Variants in OSBPL1A observed in about 807,000 individuals in gnomAD.
The protein encoded by OSBPL1A is oxysterol-binding protein-related protein 1.
OSBPL1A carries 80 observed loss-of-function variants against 137.1 expected under a neutral mutation model. The ratio of observed to expected loss-of-function variants is 0.58; its 90% confidence interval spans 0.49 to 0.70. The LOEUF is 0.70. Ranked by LOEUF, OSBPL1A falls within the 30% of genes least tolerant of loss-of-function variation. OSBPL1A has a pLI of 0.00. For missense variants in OSBPL1A, 970 were observed against 1,129.4 expected, an observed-to-expected ratio of 0.86 and a Z score of 2.02; for synonymous variants, 365 against 389.7, an observed-to-expected ratio of 0.94 and a Z score of 0.75.
chr18:24,339,877 T>C (rs1343608838), intron 5 of OSBPL1A, among the ~76,000 whole-genome samples: 1 of 152,210 alleles, frequency 6.6e-6, no homozygotes, highest in East Asian at 1.9e-4. Flanking sequence ...AAGTAGACTT[T>C]GTGTTGTTTT....
At chr18:24,369,157 A>G (rs1905412060) in intron 2 of OSBPL1A, among the ~76,000 whole-genome samples, 1 of 152,146 alleles carries the variant, frequency 6.6e-6, no homozygotes, top group Non-Finnish European at 1.5e-5. Context: ...AACTCTACAG[A>G]TAGTGCCTGA....
intron 15 of OSBPL1A, chr18:24,272,095 C>G: frequency 1.0e-6 from 1 of 982,976 alleles, no homozygotes; most frequent in Middle Eastern, 5.2e-4. Flanking sequence ...AGGTAGGGAC[C>G]GCCGGGGAAG....
intron 1 of OSBPL1A, among the ~76,000 whole-genome samples, chr18:24,382,166 C>A (rs998580930): frequency 4.7e-5 from 7 of 149,066 alleles, no homozygotes; most frequent in Non-Finnish European, 8.9e-5. Flanking sequence ...TTTGGGAGGC[C>A]AAGGCAAGTG....
At chr18:24,362,594 A>G (rs2091640995) in intron 4 of OSBPL1A, among the ~76,000 whole-genome samples, 2 of 152,256 alleles carry the variant, frequency 1.3e-5, no homozygotes, top group Non-Finnish European at 2.9e-5. Flanking sequence ...AAATTCACAT[A>G]AAGCTTCCAA....
intron 27 of OSBPL1A, among the ~76,000 whole-genome samples, chr18:24,163,622 G>A (rs977238604): frequency 5.0e-4 from 75 of 149,930 alleles, no homozygotes; most frequent in African/African-American, 1.7e-3. Flanking sequence ...TTTTCCACAA[G>A]GCATTTTTTT....
intron 15 of OSBPL1A, among the ~76,000 whole-genome samples, chr18:24,255,435 G>C (rs772157710): frequency 9.2e-5 from 14 of 152,164 alleles, no homozygotes; most frequent in Admixed American, 6.5e-5. Context: ...CTTAGGGCCA[G>C]CCTGCCTCCC....
intron 17 of OSBPL1A, among the ~76,000 whole-genome samples, chr18:24,199,803 G>A (rs900557021): frequency 6.6e-6 from 1 of 152,146 alleles, no homozygotes; most frequent in Non-Finnish European, 1.5e-5. Flanking sequence ...TTCAGACAGA[G>A]GCTGGAGGAT....
intron 16 of OSBPL1A, among the ~76,000 whole-genome samples, chr18:24,234,314 A>T (rs1380579005): frequency 6.6e-6 from 1 of 152,114 alleles, no homozygotes; most frequent in Non-Finnish European, 1.5e-5. Context: ...ACTTGACATA[A>T]CCATTTCATT....
intron 7 of OSBPL1A, among the ~76,000 whole-genome samples, chr18:24,319,220 T>C (rs2090795686): frequency 6.6e-6 from 1 of 152,180 alleles, no homozygotes; most frequent in Admixed American, 6.5e-5. Flanking sequence ...ACTACCTGAC[T>C]TGACATGGGG....
intron 15 of OSBPL1A, among the ~76,000 whole-genome samples, chr18:24,248,001 T>C (rs2146022542): frequency 6.6e-6 from 1 of 152,002 alleles, no homozygotes; most frequent in East Asian, 1.9e-4. Context: ...GAGGGGAGAA[T>C]TGCTGGAATA....
rs1183818248 is a variant in OSBPL1A, at chr18:24,312,101, C to A, written c.975G>T (p.Trp325Cys). ...KNSLQQSRED[W>C]LEAIEEHSAY... ...CAGAATGTTCTTCTATTGCTTCCAGCCAGTCCTGAAATCATGCAAGAATTT... is the reference window on the plus strand; with the variant it reads ...CAGAATGTTCTTCTATTGCTTCCAGACAGTCCTGAAATCATGCAAGAATTT... The change falls in exon 13 of 28, where the codon TGG becomes TGT. Residue 325 changes from tryptophan (W) to cysteine (C), a missense_variant. Trp to Cys is a radical substitution (Grantham distance 215). Around this residue, in one of 2 missense-constraint regions of OSBPL1A, gnomAD observed 647 missense variants for 672.6 expected, o/e 0.96. Coordinates refer to ENST00000319481, the MANE Select transcript of OSBPL1A (RefSeq NM_080597.4). 1.2e-6 allele frequency: 2 copies of A among 1,613,584 alleles called. No homozygotes were observed. Among genetic ancestry groups the A allele is most frequent in the Admixed American group, 3.3e-5 (2 of 59,976 alleles).
intron 5 of OSBPL1A, among the ~76,000 whole-genome samples, chr18:24,339,325 T>C (rs1343239284): frequency 1.3e-5 from 2 of 152,204 alleles, no homozygotes; most frequent in Non-Finnish European, 2.9e-5. Context: ...TTATAGTGGG[T>C]TACTCAAGGT....
intron 16 of OSBPL1A, among the ~76,000 whole-genome samples, chr18:24,228,007 A>G (rs2088142840): frequency 6.6e-6 from 1 of 152,186 alleles, no homozygotes; most frequent in Non-Finnish European, 1.5e-5. Context: ...AAAAGCAGAC[A>G]TAAACATTAA....
intron 20 of OSBPL1A, 123 bp from the exon 21 acceptor site, chr18:24,178,318 A>G (rs1485146443): frequency 9.8e-7 from 1 of 1,016,770 alleles, no homozygotes; most frequent in Non-Finnish European, 1.4e-6. Flanking sequence ...TGTTGAGACA[A>G]AATCTTGCTC....
chr18:24,235,929 T>G (rs542253710), intron 16 of OSBPL1A, among the ~76,000 whole-genome samples: 4 of 152,118 alleles, frequency 2.6e-5, no homozygotes, highest in Non-Finnish European at 5.9e-5. Flanking sequence ...TAGGTCTTTA[T>G]AAAAGGGAAG....
chr18:24,218,813 A>T (rs188558328), intron 17 of OSBPL1A, among the ~76,000 whole-genome samples: 1 of 152,302 alleles, frequency 6.6e-6, no homozygotes, highest in African/African-American at 2.4e-5. Flanking sequence ...TATAGTTTAA[A>T]GTGTTCTCAC....
In OSBPL1A at chr18:24,227,985, A is replaced by G. The variant is rs375146216; in HGVS notation, c.1445-2787T>C. Among the ~76,000 whole-genome samples, 127 of 152,126 alleles carry G rather than the reference A, an allele frequency of 8.3e-4. 1 individual carries two copies. The highest frequency in any genetic ancestry group is 3.0e-3 in the African/African-American group (124 of 41,510). Reference sequence around the variant, plus strand: ...GCAGGGACTTACCCACCTAAAAAGAATTTTTTTTAGCAAAAGCAGACATAA... The same window carrying G: ...GCAGGGACTTACCCACCTAAAAAGAGTTTTTTTTAGCAAAAGCAGACATAA... On this transcript the variant is annotated intron_variant, in intron 16 of 27. Transcript: ENST00000319481.
chr18:24,167,754 G>A (rs2086180072), intron 24 of OSBPL1A, among the ~76,000 whole-genome samples: 1 of 152,232 alleles, frequency 6.6e-6, no homozygotes, highest in Non-Finnish European at 1.5e-5. Flanking sequence ...TTCGCGCAAT[G>A]ATGAAATCAC....
At chr18:24,355,707 G>A (rs79254878) in intron 4 of OSBPL1A, among the ~76,000 whole-genome samples, 49 of 151,992 alleles carry the variant, frequency 3.2e-4, no homozygotes, top group Non-Finnish European at 4.9e-4. Flanking sequence ...GATACCGGCT[G>A]AGCGCAGTGG....
Sources: allele counts gnomAD v4.1 joint callset (sites outside exome capture counted in the v4.1 genomes callset), GRCh38; gene constraint gnomAD v4.1.1; regional missense constraint gnomAD v4.1.1; transcripts MANE v1.5; gene names NCBI Gene and HGNC (gene_info 2026-07-23, HGNC 2026-07-21).